PPP2R2B: variants seen among roughly 807,000 people sequenced by gnomAD.
The protein encoded by PPP2R2B is protein phosphatase 2 regulatory subunit Bbeta, also known as serine/threonine-protein phosphatase 2A 55 kDa regulatory subunit B beta isoform.
PPP2R2B carries 5 observed loss-of-function variants against 46.0 expected under a neutral mutation model. The observed-to-expected ratio is 0.11, with a 90% CI of 0.06 to 0.23. PPP2R2B has a LOEUF of 0.23. Ranked by LOEUF, PPP2R2B falls within the 10% of genes least tolerant of loss-of-function variation. The pLI, the probability that PPP2R2B is intolerant of heterozygous loss-of-function variation, is 1.00. For missense variants in PPP2R2B, 367 were observed against 575.0 expected (o/e 0.64, Z 3.70); for synonymous variants, 215 against 206.7 (o/e 1.04, Z -0.34).
At chr5:146,948,641 G>A (rs1764559774) in intron 1 of PPP2R2B, among the ~76,000 whole-genome samples, 1 of 152,048 alleles carries the variant, frequency 6.6e-6, no homozygotes, top group Non-Finnish European at 1.5e-5. Context: ...GTGTTCCTAT[G>A]AGAAATCATG....
At chr5:146,940,166 T>C (rs1478201152) in intron 1 of PPP2R2B, among the ~76,000 whole-genome samples, 1 of 152,210 alleles carries the variant, frequency 6.6e-6, no homozygotes, top group South Asian at 2.1e-4. Context: ...TGCATCATTT[T>C]CTTCTTTCTC....
intron 1 of PPP2R2B, among the ~76,000 whole-genome samples, chr5:146,983,728 G>A (rs901221621): frequency 1.3e-5 from 2 of 151,954 alleles, no homozygotes; most frequent in African/African-American, 4.8e-5. Flanking sequence ...ATAATTTAGA[G>A]AACACAACAG....
At chr5:146,993,230 A>ACTGCACCCAGCTGGTG in intron 1 of PPP2R2B, among the ~76,000 whole-genome samples, 2 of 148,840 alleles carry the variant, frequency 1.3e-5, no homozygotes, top group South Asian at 2.1e-4. Context: ...GGTGTGAGTC[A>ACTGCACCCAGCTGGTG]ATGGTCCTAG....
At chr5:146,885,682 T>C (rs1047869549) in intron 1 of PPP2R2B, among the ~76,000 whole-genome samples, 3 of 152,212 alleles carry the variant, frequency 2.0e-5, no homozygotes, top group African/African-American at 7.2e-5. Flanking sequence ...GTTCATGTAG[T>C]AGCATTATTT....
chr5:146,699,004 G>A (rs939757569), intron 3 of PPP2R2B, among the ~76,000 whole-genome samples: 9 of 152,136 alleles, frequency 5.9e-5, no homozygotes, highest in East Asian at 1.9e-4. Flanking sequence ...AGAAGAAGAG[G>A]AGGAAAGTGG....
chr5:146,629,790 T>A (rs1199634270), intron 7 of PPP2R2B, among the ~76,000 whole-genome samples: 1 of 146,612 alleles, frequency 6.8e-6, no homozygotes, highest in Non-Finnish European at 1.5e-5. Flanking sequence ...CCCTTTCCCC[T>A]TTCTCCTTTC....
chr5:146,644,452 A>G (rs776107129), intron 6 of PPP2R2B, among the ~76,000 whole-genome samples: 2 of 152,154 alleles, frequency 1.3e-5, no homozygotes. Flanking sequence ...ATTTTCCCCA[A>G]ATCTCTACAA....
chr5:146,914,044 C>A (rs573614236), intron 1 of PPP2R2B, among the ~76,000 whole-genome samples: 2 of 152,174 alleles, frequency 1.3e-5, no homozygotes, highest in South Asian at 4.1e-4. Flanking sequence ...TATATGAAAT[C>A]ACAACAACTA....
intron 2 of PPP2R2B, among the ~76,000 whole-genome samples, chr5:146,836,995 C>G: frequency 6.6e-6 from 1 of 152,176 alleles, no homozygotes. Flanking sequence ...ACGCCAACAA[C>G]TAGCAGCACC....
Position 146,647,214 on chromosome 5 carries a change from C to A in PPP2R2B, c.625+3333G>T, listed in dbSNP as rs1029792674. 1.6e-3 allele frequency among the ~76,000 whole-genome samples: 14 copies of A among 8,976 alleles called. No individual in the cohort carries two copies. In the South Asian group the frequency reaches 0.045, roughly 29 times the overall value. 5.9% of individuals were successfully genotyped at this position (8,976 alleles called of 152,430 possible). On this transcript the variant is annotated intron_variant, in intron 6 of 9. Transcript: ENST00000394411. ...AGGATATGATGGTTATGTTTTTTGACGTTCACTATTGCTTAGAAGCACATT... is the reference window on the plus strand; with the variant it reads ...AGGATATGATGGTTATGTTTTTTGAAGTTCACTATTGCTTAGAAGCACATT...
At position 147,025,463 on chromosome 5, in the gene PPP2R2B, T is replaced by TA. The variant is rs920542874; in HGVS notation, c.79+30201dup. Reference sequence around the variant, plus strand: ...TAAAGTCACGCGAAGACATTACAAATAAAAAAAAAACCCCGAAATAGGAGA... The same window carrying TA: ...TAAAGTCACGCGAAGACATTACAAATAAAAAAAAAAACCCCGAAATAGGAGA... On this transcript the variant is annotated intron_variant, in intron 1 of 8. Transcript: ENST00000336640. Among the ~76,000 whole-genome samples the TA allele has an allele frequency of 6.7e-3, 972 of 144,812 alleles. 7 individuals carry two copies. The highest frequency in any genetic ancestry group is 0.023 in the African/African-American group (895 of 39,642).
chr5:146,590,759 C>T (rs959146740), intron 9 of PPP2R2B, among the ~76,000 whole-genome samples: 2 of 152,056 alleles, frequency 1.3e-5, no homozygotes, highest in African/African-American at 2.4e-5. Context: ...GAACCCGGGG[C>T]GCGACCTCTC....
intron 1 of PPP2R2B, among the ~76,000 whole-genome samples, chr5:146,936,469 AAG>A: frequency 6.9e-6 from 1 of 145,092 alleles, no homozygotes; most frequent in East Asian, 2.1e-4. Context: ...TAAGCAGGAA[AAG>A]AAAAAAAAAA....
At position 146,950,478 on chromosome 5, in the gene PPP2R2B, A is replaced by G. The variant is rs143197322; in HGVS notation, c.79+105187T>C. On this transcript the variant is annotated intron_variant, in intron 1 of 8. Transcript: ENST00000336640. ...AAGTTTCAAGTTGGCAGCACAGTGA[A>G]TCACCTGGAAAGACCTTGAAATATG... 3.5e-3 allele frequency among the ~76,000 whole-genome samples: 536 copies of G among 152,188 alleles called. 5 individuals carry two copies. The highest frequency in any genetic ancestry group is 0.012 in the African/African-American group (519 of 41,558).
chr5:147,029,931 T>C (rs1163529160), intron 1 of PPP2R2B, among the ~76,000 whole-genome samples: 2 of 152,156 alleles, frequency 1.3e-5, no homozygotes, highest in Non-Finnish European at 2.9e-5. Context: ...AGCTGACTAA[T>C]ATAAGTGGAA....
At chr5:146,667,695 G>A (rs1777093740) in intron 5 of PPP2R2B, among the ~76,000 whole-genome samples, 2 of 152,084 alleles carry the variant, frequency 1.3e-5, no homozygotes, top group Admixed American at 6.6e-5. Flanking sequence ...CGAAAAATGT[G>A]CTTTGTTTTT....
chr5:146,926,867 T>TA (rs1213015909), intron 1 of PPP2R2B, among the ~76,000 whole-genome samples: 1 of 152,184 alleles, frequency 6.6e-6, no homozygotes, highest in Non-Finnish European at 1.5e-5. Flanking sequence ...CAATATGCTG[T>TA]CTCTGATCAC....
chr5:147,029,091 G>C (rs773292595), intron 1 of PPP2R2B, among the ~76,000 whole-genome samples: 15 of 152,004 alleles, frequency 9.9e-5, no homozygotes, highest in Admixed American at 2.0e-4. Context: ...TTTCTACACT[G>C]TGTCTTGCCT....
At chr5:146,975,252 A>T (rs946317583) in intron 1 of PPP2R2B, among the ~76,000 whole-genome samples, 1 of 152,178 alleles carries the variant, frequency 6.6e-6, no homozygotes, top group Non-Finnish European at 1.5e-5. Context: ...AAGTAAAATC[A>T]TATAGCATTT....
Sources: gnomAD v4.1 joint callset for allele counts (sites outside exome capture counted in the v4.1 genomes callset) on GRCh38, gnomAD v4.1.1 for gene constraint, MANE v1.5 for transcripts, NCBI Gene and HGNC (gene_info 2026-07-23, HGNC 2026-07-21) for gene names.